The following COPZ2 variants were observed in gnomAD, a reference collection of about 807,000 sequenced individuals.
COPZ2 encodes coat protein complex I subunit zeta 2, also known as coatomer subunit zeta-2.
In COPZ2, 30 loss-of-function variants were observed where a neutral mutation model predicts 33.2. The observed-to-expected ratio is 0.90, with a 90% CI of 0.68 to 1.23. COPZ2 has a LOEUF of 1.23. COPZ2 is among the 50% of genes most tolerant of loss of function. The pLI is 0.00. For missense variants in COPZ2, 263 were observed against 262.4 expected (o/e 1.00, Z -0.02); for synonymous variants, 89 against 102.6 (o/e 0.87, Z 0.80).
chr17:48,034,196 C>T (rs551585857), intron 2 of COPZ2, among the ~76,000 whole-genome samples: 2 of 152,340 alleles, frequency 1.3e-5, no homozygotes, highest in East Asian at 1.9e-4. Flanking sequence ...ACAACCTCCA[C>T]CTCCCGGGTT....
At chr17:48,040,148 AC>A, upstream of COPZ2, among the ~76,000 whole-genome samples, 1 of 122,584 alleles carries the variant, frequency 8.2e-6, no homozygotes, top group Non-Finnish European at 1.6e-5. Context: ...ACACACACAC[AC>A]ACACAAACAA....
upstream of COPZ2, among the ~76,000 whole-genome samples, chr17:48,038,346 C>G (rs543510669): frequency 6.6e-6 from 1 of 152,304 alleles, no homozygotes; most frequent in South Asian, 2.1e-4. Flanking sequence ...TCCTAAGTCA[C>G]AGATATGGCA....
chr17:48,026,271 A>T lies in COPZ2; in HGVS notation c.*157T>A. 1 of 624,746 alleles carries T rather than the reference A, an allele frequency of 1.6e-6. No homozygotes were observed. Among genetic ancestry groups the T allele is most frequent in the Admixed American group, 2.9e-5 (1 of 34,444 alleles). The allele number at this position is 624,746 out of a possible 1,614,324, so 38.7% of individuals were successfully genotyped here. A position where few individuals can be genotyped will look rare whatever the true frequency, so the allele number is the denominator to read the frequency against. On this transcript the variant is annotated 3_prime_UTR_variant, in exon 9 of 9. Coordinates refer to ENST00000621465, the MANE Select transcript of COPZ2 (RefSeq NM_016429.4). ...GAAAAGGTGACTCTCCTGAGGCCAAACCTTTGCATCTCAGAAGCCCTGGCT... is the reference window on the plus strand; with the variant it reads ...GAAAAGGTGACTCTCCTGAGGCCAATCCTTTGCATCTCAGAAGCCCTGGCT...
At chr17:48,036,607 A>G (rs888933024) in intron 2 of COPZ2, among the ~76,000 whole-genome samples, 2 of 152,218 alleles carry the variant, frequency 1.3e-5, no homozygotes, top group Non-Finnish European at 2.9e-5. Context: ...GAACCTTCCC[A>G]TGCCCAGGTC....
In COPZ2 at chr17:48,037,314, C is replaced by T. The variant is rs2037003710; in HGVS notation, c.111+353G>A. ...TGGACCTGCGCTATCAGCGCGCCCC[C>T]AGGCCCTGGCCCGGGTAGACTCCAG... is the stretch of plus-strand genomic sequence containing the variant. On this transcript the variant is annotated intron_variant, in intron 1 of 8. Transcript: ENST00000621465. This position sits in a 1 kb window ranked among gnomAD's most constrained non-coding sequence, Gnocchi z 5.6. 2.2e-6 allele frequency: 1 copy of T among 462,538 alleles called. No individual in the cohort carries two copies. Among genetic ancestry groups the T allele is most frequent in the Non-Finnish European group, 4.2e-6 (1 of 238,162 alleles). 28.7% of individuals were successfully genotyped at this position (462,538 alleles called of 1,614,324 possible). A position where few individuals can be genotyped will look rare whatever the true frequency, so the allele number is the denominator to read the frequency against.
intron 6 of COPZ2, among the ~76,000 whole-genome samples, chr17:48,031,162 A>G (rs940396681): frequency 1.3e-5 from 2 of 152,160 alleles, no homozygotes; most frequent in African/African-American, 4.8e-5. Context: ...AGCTCAAGAA[A>G]TTTCTATTGG....
intron 6 of COPZ2, chr17:48,031,876 C>T: frequency 2.1e-6 from 1 of 483,184 alleles, no homozygotes; most frequent in Non-Finnish European, 3.8e-6. Flanking sequence ...GGAGACCAAA[C>T]TGGATTTTCC....
chr17:48,033,730 G>A, intron 3 of COPZ2, 133 bp downstream of exon 3: 1 of 689,930 alleles, frequency 1.4e-6, no homozygotes. Flanking sequence ...AGCAGGGAAG[G>A]AGAGGACAAA....
At position 48,026,496 on chromosome 17, in the gene COPZ2, T is replaced by C. The variant is rs1266755284; in HGVS notation, c.586-21A>G. 8 of 1,584,846 alleles carry C rather than the reference T, an allele frequency of 5.0e-6. No individual in the cohort carries two copies. The Admixed American group carries it at 1.2e-4, about 23-fold the overall frequency. ...AGAACCTGGGGTGGGGTGGGGGAGG[T>C]TGAGAGAGAATTGAGAATGTCAAAT... On this transcript the variant is annotated intron_variant, in intron 8 of 8. Coordinates refer to ENST00000621465, the MANE Select transcript of COPZ2 (RefSeq NM_016429.4).
chr17:48,037,832 C>G (rs1488597604), upstream of COPZ2: 1 of 839,660 alleles, frequency 1.2e-6, no homozygotes, highest in African/African-American at 6.0e-5. The surrounding 1 kb of genome is among the most constrained non-coding windows in gnomAD (Gnocchi z 5.6). Flanking sequence ...GCCGCCGCCG[C>G]CCCGCCTCCG....
chr17:48,034,008 G>C (rs984843129), intron 2 of COPZ2, 64 bp from the exon 3 acceptor site: 22 of 1,232,556 alleles, frequency 1.8e-5, no homozygotes, highest in East Asian at 9.9e-5. Flanking sequence ...CCCTAGATTG[G>C]GGGGCAGGAA....
chr17:48,040,312 C>T (rs1172927916), upstream of COPZ2, among the ~76,000 whole-genome samples: 3 of 151,992 alleles, frequency 2.0e-5, no homozygotes, highest in Non-Finnish European at 4.4e-5. Context: ...GGATCAAGCC[C>T]TCCTCCTGCC....
At chr17:48,036,625 C>A (rs553128337) in intron 2 of COPZ2, among the ~76,000 whole-genome samples, 2 of 152,172 alleles carry the variant, frequency 1.3e-5, no homozygotes, top group Non-Finnish European at 2.9e-5. Context: ...GTCCAACTGG[C>A]CAGTAGCAGG....
rs1421943657 is a variant in COPZ2 at position 48,028,554 on chromosome 17, G to A, written c.547-44C>T. 6.3e-7 allele frequency: 1 copy of A among 1,587,718 alleles called. No homozygotes were observed. Among genetic ancestry groups the A allele is most frequent in the Non-Finnish European group, 8.6e-7 (1 of 1,166,196 alleles). On this transcript the variant is annotated intron_variant, in intron 7 of 8. Transcript: ENST00000621465. This position sits in a 1 kb window ranked among gnomAD's most constrained non-coding sequence, Gnocchi z 4.5. Reference sequence around the variant, plus strand: ...AAGGGGTGGGGTAGGGCCAGCATGAGGGTCCTGGGTCAGGGAGGTGAAGGA... The same window carrying A: ...AAGGGGTGGGGTAGGGCCAGCATGAAGGTCCTGGGTCAGGGAGGTGAAGGA...
At chr17:48,030,410 G>A (rs2036879025) in intron 6 of COPZ2, among the ~76,000 whole-genome samples, 1 of 152,014 alleles carries the variant, frequency 6.6e-6, no homozygotes, top group Admixed American at 6.6e-5. Flanking sequence ...CCTTCGTGAG[G>A]CCTTGGGGTT....
In COPZ2 at chr17:48,029,181, A is replaced by G; in HGVS notation, c.495-5T>C. On this transcript the variant is annotated splice_region_variant and splice_polypyrimidine_tract_variant and intron_variant, in intron 6 of 8. Coordinates refer to ENST00000621465, the MANE Select transcript of COPZ2 (RefSeq NM_016429.4). ...GGGTCACTCTCCAGAATCACACTAC[A>G]AGATGAGAGGAAAAACCAGGAGGCA... 1.9e-6 allele frequency: 3 copies of G among 1,570,996 alleles called. No individual in the cohort carries two copies. Among genetic ancestry groups the G allele is most frequent in the Non-Finnish European group, 2.6e-6 (3 of 1,157,846 alleles).
chr17:48,027,606 C>T (rs2036834936), intron 8 of COPZ2: 1 of 152,268 alleles, frequency 6.6e-6, no homozygotes, highest in Non-Finnish European at 1.5e-5. Flanking sequence ...TATGAGGAAA[C>T]ATGGGGAATC....
intron 6 of COPZ2, among the ~76,000 whole-genome samples, chr17:48,031,205 C>A (rs572243955): frequency 6.6e-6 from 1 of 152,256 alleles, no homozygotes; most frequent in African/African-American, 2.4e-5. Flanking sequence ...GTAATCCCAG[C>A]ACTTTGGGAG....
chr17:48,036,001 C>T (rs796297667), intron 2 of COPZ2, among the ~76,000 whole-genome samples: 2 of 152,234 alleles, frequency 1.3e-5, no homozygotes, highest in East Asian at 1.9e-4. Context: ...GTGATCTGCC[C>T]GCCTTGGCCT....
Sources: allele counts gnomAD v4.1 joint callset (sites outside exome capture counted in the v4.1 genomes callset), GRCh38; gene constraint gnomAD v4.1.1; non-coding constraint Gnocchi (gnomAD v3.1); transcripts MANE v1.5; gene names NCBI Gene and HGNC (gene_info 2026-07-23, HGNC 2026-07-21).